Variants in GRID1 observed in about 807,000 individuals in gnomAD.
The protein encoded by GRID1 is glutamate ionotropic receptor delta type subunit 1, also known as glutamate receptor ionotropic, delta-1.
Under a neutral mutation model 98.0 loss-of-function variants are expected in GRID1, and 28 were observed. That is an observed-to-expected ratio of 0.29 (90% CI 0.21 to 0.39). The LOEUF (loss-of-function observed/expected upper bound fraction) is 0.39, where lower values mean the gene tolerates loss of function less well. Ranked by LOEUF, GRID1 falls within the 10% of genes least tolerant of loss-of-function variation. The pLI, the probability that GRID1 is intolerant of heterozygous loss-of-function variation, is 1.00. For missense variants in GRID1, 1,111 were observed against 1,340.5 expected (o/e 0.83, Z 2.67); for synonymous variants, 553 against 538.5 (o/e 1.03, Z -0.37).
chr10:86,261,372 C>T (rs1036408750), intron 2 of GRID1, among the ~76,000 whole-genome samples: 1 of 152,206 alleles, frequency 6.6e-6, no homozygotes, highest in Non-Finnish European at 1.5e-5. Context: ...CTATCCATTG[C>T]ATAGTGAGGA....
intron 4 of GRID1, among the ~76,000 whole-genome samples, chr10:86,107,524 G>A (rs1844409457): frequency 6.6e-6 from 1 of 152,220 alleles, no homozygotes; most frequent in Non-Finnish European, 1.5e-5. Flanking sequence ...GAAGGGTGTG[G>A]TCCCTGGCTA....
intron 12 of GRID1, among the ~76,000 whole-genome samples, chr10:85,704,951 C>A (rs1390435963): frequency 6.6e-6 from 1 of 152,182 alleles, no homozygotes; most frequent in Non-Finnish European, 1.5e-5. Flanking sequence ...ACCAGAATCT[C>A]TGGGACACAT....
At chr10:85,724,177 T>C (rs539332116) in intron 11 of GRID1, among the ~76,000 whole-genome samples, 175 bp downstream of exon 11, 1 of 152,336 alleles carries the variant, frequency 6.6e-6, no homozygotes, top group South Asian at 2.1e-4. Flanking sequence ...TTCATTTAAT[T>C]TCTCTCTGAT....
intron 4 of GRID1, among the ~76,000 whole-genome samples, chr10:85,938,298 C>T (rs1479869567): frequency 6.6e-6 from 1 of 152,172 alleles, no homozygotes; most frequent in African/African-American, 2.4e-5. Flanking sequence ...GCCATTCCTC[C>T]CTAGTGGATT....
chr10:86,135,385 C>T (rs963319202), intron 4 of GRID1, among the ~76,000 whole-genome samples: 4 of 152,188 alleles, frequency 2.6e-5, no homozygotes, highest in African/African-American at 9.7e-5. Context: ...CATTCCATGG[C>T]CTGTACCCTT....
intron 2 of GRID1, among the ~76,000 whole-genome samples, chr10:86,333,154 T>A (rs1198441654): frequency 6.6e-6 from 1 of 152,192 alleles, no homozygotes; most frequent in Non-Finnish European, 1.5e-5. Flanking sequence ...AGGCACTCCC[T>A]GCACACCCCA....
At chr10:85,795,722 G>GC (rs1284242230) in intron 8 of GRID1, among the ~76,000 whole-genome samples, 1 of 152,194 alleles carries the variant, frequency 6.6e-6, no homozygotes, top group Non-Finnish European at 1.5e-5. Flanking sequence ...CACCAGCAAA[G>GC]CACATTTGGC....
chr10:85,895,814 C>T (rs1841285473), intron 5 of GRID1, among the ~76,000 whole-genome samples: 1 of 152,056 alleles, frequency 6.6e-6, no homozygotes, highest in African/African-American at 2.4e-5. Context: ...TGCAGATGAT[C>T]CGAGGAAAAT....
chr10:85,848,332 G>A (rs1267849917), intron 8 of GRID1, among the ~76,000 whole-genome samples: 1 of 152,050 alleles, frequency 6.6e-6, no homozygotes, highest in South Asian at 2.1e-4. Context: ...AAAATTGTAT[G>A]TATTTTAGAT....
chr10:86,345,795 C>G (rs1386941589), intron 2 of GRID1, among the ~76,000 whole-genome samples: 2 of 152,076 alleles, frequency 1.3e-5, no homozygotes, highest in Non-Finnish European at 2.9e-5. Context: ...TCTGCCTGTA[C>G]CAGAGGGAAG....
At chr10:86,056,248 C>T (rs569146766) in intron 4 of GRID1, among the ~76,000 whole-genome samples, 1 of 152,268 alleles carries the variant, frequency 6.6e-6, no homozygotes, top group East Asian at 1.9e-4. Context: ...GCATTAACTC[C>T]AACTTCCTGG....
intron 8 of GRID1, among the ~76,000 whole-genome samples, chr10:85,762,857 T>C (rs1590220698): frequency 6.6e-6 from 1 of 152,204 alleles, no homozygotes; most frequent in African/African-American, 2.4e-5. Context: ...TGCTCACTGA[T>C]TTAGCAGAAT....
intron 8 of GRID1, among the ~76,000 whole-genome samples, chr10:85,774,809 T>TA (rs1171247558): frequency 3.3e-5 from 5 of 150,064 alleles, no homozygotes; most frequent in African/African-American, 1.2e-4. Flanking sequence ...TGGCAATCAT[T>TA]AAAAAGTCAG....
Position 85,723,160 on chromosome 10 carries a change from G to A in GRID1, c.1859-19C>T, listed in dbSNP as rs760688900. 1.3e-6 allele frequency: 2 copies of A among 1,595,744 alleles called. No individual in the cohort carries two copies. The highest frequency in any genetic ancestry group is 1.7e-5 in the Admixed American group (1 of 58,220). ...TCGCCACCTGCGGGAGGCAGACAAA[G>A]TGGATTGGCCAGTGGCTTCTGCTCT... On this transcript the variant is annotated intron_variant, in intron 11 of 15. Coordinates refer to ENST00000327946, the MANE Select transcript of GRID1 (RefSeq NM_017551.3).
intron 3 of GRID1, among the ~76,000 whole-genome samples, chr10:86,166,638 G>C (rs1408512123): frequency 6.6e-6 from 1 of 152,198 alleles, no homozygotes; most frequent in Admixed American, 6.5e-5. Flanking sequence ...TGCCACAACA[G>C]CCCAGTTCCT....
rs146456009 is a variant in GRID1 at position 86,331,690 on chromosome 10, G to A, written c.235+32251C>T. Among the ~76,000 whole-genome samples the A allele has an allele frequency of 3.0e-3, 451 of 152,346 alleles. 7 individuals carry two copies. The highest frequency in any genetic ancestry group is 3.6e-3 in the Non-Finnish European group (244 of 68,028). ...CCAAGCCTGGGTCCCCAGCTCAGCAGTCACTTCTATCCCAGTTCTGGTCCC... is the reference window on the plus strand; with the variant it reads ...CCAAGCCTGGGTCCCCAGCTCAGCAATCACTTCTATCCCAGTTCTGGTCCC... On this transcript the variant is annotated intron_variant, in intron 2 of 15. Transcript: ENST00000327946.
chr10:86,317,583 A>G (rs1433982574), intron 2 of GRID1, among the ~76,000 whole-genome samples: 1 of 152,050 alleles, frequency 6.6e-6, no homozygotes. Flanking sequence ...AGGAAGAAGA[A>G]GAGGTGGGCA....
Position 85,852,561 on chromosome 10 carries a change from C to G in GRID1, c.1233+1935G>C, listed in dbSNP as rs549045558. ...GTGGGAGACGGAAGGAGCTGGCAGG[C>G]AGGACCTAACTTCAAAATAAGACTT... On this transcript the variant is annotated intron_variant, in intron 8 of 15. Coordinates refer to ENST00000327946, the MANE Select transcript of GRID1 (RefSeq NM_017551.3). Among the ~76,000 whole-genome samples the G allele has an allele frequency of 9.8e-5, 15 of 152,334 alleles. 2 individuals carry two copies. The highest frequency in any genetic ancestry group is 3.4e-4 in the African/African-American group (14 of 41,582).
intron 12 of GRID1, among the ~76,000 whole-genome samples, chr10:85,660,476 G>A (rs537366604): frequency 2.0e-5 from 3 of 152,250 alleles, no homozygotes; most frequent in Non-Finnish European, 2.9e-5. Flanking sequence ...CAGACCTGGT[G>A]CCAGTCCCTC....
Sources: gnomAD v4.1 joint callset for allele counts (sites outside exome capture counted in the v4.1 genomes callset) on GRCh38, gnomAD v4.1.1 for gene constraint, MANE v1.5 for transcripts, NCBI Gene and HGNC (gene_info 2026-07-23, HGNC 2026-07-21) for gene names.